Variants in PCDH15 observed in about 807,000 individuals in gnomAD.
PCDH15 encodes protocadherin-15.
PCDH15 carries 129 observed loss-of-function variants against 178.5 expected under a neutral mutation model. The observed-to-expected ratio is 0.72, with a 90% CI of 0.63 to 0.84. PCDH15 has a LOEUF of 0.84. PCDH15 is among the 40% of genes least tolerant of loss of function. The pLI is 0.00. For synonymous variants in PCDH15, 800 were observed against 732.0 expected (o/e 1.09, Z -1.50); for missense variants, 2,230 against 2,099.9 (o/e 1.06, Z -1.21).
intron 9 of PCDH15, among the ~76,000 whole-genome samples, chr10:54,233,448 C>T (rs2054286189): frequency 6.6e-6 from 1 of 152,152 alleles, no homozygotes; most frequent in South Asian, 2.1e-4. Context: ...TCCAAAATTT[C>T]CTTCATTATA....
chr10:54,307,098 GTGTGTGTATATATATA>G (rs2060576689), intron 8 of PCDH15, among the ~76,000 whole-genome samples: 11 of 13,566 alleles, frequency 8.1e-4, no homozygotes, highest in South Asian at 2.9e-3. Flanking sequence ...ATATATGTGT[GTGTGTGTATATATATA>G]TATATATATA....
At chr10:54,230,550 A>G (rs527256565) in intron 9 of PCDH15, among the ~76,000 whole-genome samples, 1 of 152,232 alleles carries the variant, frequency 6.6e-6, no homozygotes, top group African/African-American at 2.4e-5. Context: ...AAGGGACAAA[A>G]AATGTGTTTT....
chr10:54,622,585 TA>T (rs1308417556), intron 2 of PCDH15, among the ~76,000 whole-genome samples: 1 of 91,634 alleles, frequency 1.1e-5, no homozygotes, highest in Non-Finnish European at 2.1e-5. Flanking sequence ...ATATATATAA[TA>T]TATATAATAT....
intron 8 of PCDH15, among the ~76,000 whole-genome samples, chr10:54,250,548 G>T (rs182405561): frequency 0.011 from 1,677 of 152,142 alleles, 39 homozygotes; most frequent in African/African-American, 0.038. Flanking sequence ...CTCTCAAAGT[G>T]CTGGGATTAC....
At chr10:54,147,480 G>A (rs556551620) in intron 14 of PCDH15, among the ~76,000 whole-genome samples, 2 of 151,748 alleles carry the variant, frequency 1.3e-5, no homozygotes, top group Non-Finnish European at 2.9e-5. Flanking sequence ...GAAAATCAAT[G>A]ATATGTCTTA....
At chr10:55,318,456 C>A (rs1418312807) in intron 1 of PCDH15, among the ~76,000 whole-genome samples, 1 of 151,880 alleles carries the variant, frequency 6.6e-6, no homozygotes, top group Non-Finnish European at 1.5e-5. Context: ...AAAAAGAATG[C>A]TCAAAATTTG....
intron 5 of PCDH15, among the ~76,000 whole-genome samples, chr10:54,359,137 G>A (rs909176719): frequency 9.9e-5 from 15 of 151,896 alleles, no homozygotes; most frequent in African/African-American, 3.1e-4. Context: ...TTGTGCACAT[G>A]TACCCTAAAA....
chr10:55,502,685 A>G (rs903235257), intron 2 of PCDH15, among the ~76,000 whole-genome samples: 3 of 151,610 alleles, frequency 2.0e-5, no homozygotes, highest in Admixed American at 6.6e-5. Flanking sequence ...TCTAACAGTA[A>G]TTGGGCTGAT....
chr10:54,569,947 A>C (rs1182782051), intron 2 of PCDH15, among the ~76,000 whole-genome samples: 1 of 152,160 alleles, frequency 6.6e-6, no homozygotes, highest in Non-Finnish European at 1.5e-5. Context: ...GATAAGATCT[A>C]AAGTTAAAAG....
At chr10:54,511,141 A>G (rs930315324) in intron 3 of PCDH15, among the ~76,000 whole-genome samples, 4 of 152,182 alleles carry the variant, frequency 2.6e-5, no homozygotes, top group Non-Finnish European at 5.9e-5. Flanking sequence ...TAGTGAAACC[A>G]TATTTTTAAG....
At chr10:54,119,602 G>A (rs76623268) in intron 15 of PCDH15, among the ~76,000 whole-genome samples, 1,689 of 152,220 alleles carry the variant, frequency 0.011, 32 homozygotes, top group African/African-American at 0.039. Flanking sequence ...AAATTTCCCT[G>A]ATCTTGCCAG....
intron 2 of PCDH15, among the ~76,000 whole-genome samples, chr10:55,070,820 A>G (rs1351553475): frequency 1.3e-5 from 2 of 152,078 alleles, no homozygotes; most frequent in African/African-American, 2.4e-5. Context: ...GAAGAAAGTC[A>G]TTGGTAGCTT....
chr10:55,155,488 CA>C lies in PCDH15; in HGVS notation c.-80+11087del, dbSNP rs33986131. Among the ~76,000 whole-genome samples, 304 of 116,006 alleles carry C rather than the reference CA, an allele frequency of 2.6e-3. 5 individuals are homozygous for C. The highest frequency in any genetic ancestry group is 7.7e-3 in the African/African-American group (224 of 29,136). The allele number at this position is 116,006 out of a possible 152,430, so 76.1% of individuals were successfully genotyped here. ...GCTGTGAGCTTTCTGGCAACCAATGCAAAAAAAAAAAAAAAGCAATAATAAT... is the reference window on the plus strand; with the variant it reads ...GCTGTGAGCTTTCTGGCAACCAATGCAAAAAAAAAAAAAAGCAATAATAAT... On this transcript the variant is annotated intron_variant, in intron 2 of 5. Coordinates refer to the PCDH15 transcript ENST00000458638.
intron 14 of PCDH15, among the ~76,000 whole-genome samples, chr10:54,146,749 C>T (rs1351627721): frequency 1.3e-5 from 2 of 150,598 alleles, no homozygotes; most frequent in Non-Finnish European, 3.0e-5. Flanking sequence ...TGAAAGCTGT[C>T]AATTTTAAAA....
chr10:55,618,214 A>G (rs1843516991), intron 2 of PCDH15, among the ~76,000 whole-genome samples: 2 of 151,952 alleles, frequency 1.3e-5, no homozygotes, highest in South Asian at 4.1e-4. Flanking sequence ...TTTTGTTAAT[A>G]TGTTTTGTTT....
intron 25 of PCDH15, among the ~76,000 whole-genome samples, chr10:53,912,096 C>T (rs2083142749): frequency 6.6e-6 from 1 of 152,176 alleles, no homozygotes; most frequent in Non-Finnish European, 1.5e-5. Flanking sequence ...AGCTTATCCA[C>T]CACGATCAAG....
chr10:54,599,649 T>C, intron 2 of PCDH15: 1 of 366,316 alleles, frequency 2.7e-6, no homozygotes, highest in East Asian at 7.4e-5. Context: ...AAGCAAAAAT[T>C]GACAAACTAA....
At chr10:53,857,046 A>G in intron 28 of PCDH15, 129 bp downstream of exon 28, 1 of 714,248 alleles carries the variant, frequency 1.4e-6, no homozygotes, top group Non-Finnish European at 2.4e-6. Flanking sequence ...CCTAAACCTC[A>G]CCAATATGCA....
At chr10:53,831,194 T>A (rs751214120) in intron 30 of PCDH15, 121 bp downstream of exon 30, 15 of 912,398 alleles carry the variant, frequency 1.6e-5, no homozygotes, top group Non-Finnish European at 2.7e-5. Context: ...GACAGACAGA[T>A]AAAGCAATCT....
Sources: allele counts gnomAD v4.1 joint callset (sites outside exome capture counted in the v4.1 genomes callset), GRCh38; gene constraint gnomAD v4.1.1; transcripts MANE v1.5; gene names NCBI Gene and HGNC (gene_info 2026-07-23, HGNC 2026-07-21).